Variants in MYH1 observed in about 807,000 individuals in gnomAD.
The protein encoded by MYH1 is myosin heavy chain 1.
In MYH1, 214 loss-of-function variants were observed where a neutral mutation model predicts 225.6. The observed-to-expected ratio is 0.95, with a 90% CI of 0.85 to 1.06. The LOEUF (loss-of-function observed/expected upper bound fraction) is 1.06, where lower values mean the gene tolerates loss of function less well. Among genes scored for constraint, MYH1 ranks in the 50% least tolerant of loss-of-function variants. The probability of loss-of-function intolerance (pLI) is 0.00; values close to 1 mark genes in which losing one functional copy is unlikely to be tolerated. For missense variants in MYH1, 2,098 were observed against 2,344.2 expected, an observed-to-expected ratio of 0.89 and a Z score of 2.17; for synonymous variants, 774 against 842.3, an observed-to-expected ratio of 0.92 and a Z score of 1.40.
chr17:10,510,493 A>G (rs926726144), intron 14 of MYH1, among the ~76,000 whole-genome samples: 1 of 152,168 alleles, frequency 6.6e-6, no homozygotes, highest in Non-Finnish European at 1.5e-5. Flanking sequence ...AGGAACCCCA[A>G]CATTTTGATG....
chr17:10,513,706 A>T lies in MYH1; in HGVS notation c.742-17T>A. 6.2e-7 allele frequency: 1 copy of T among 1,613,762 alleles called. No homozygotes were observed. The highest frequency in any genetic ancestry group is 8.5e-7 in the Non-Finnish European group (1 of 1,179,636). On this transcript the variant is annotated splice_polypyrimidine_tract_variant and intron_variant, in intron 8 of 39. Transcript: ENST00000226207. Reference sequence around the variant, plus strand: ...GAATTTACCCTTGTAAGTAAAAAAAATGATGTTATACCCAAAGCTTGAAGT... The same window carrying T: ...GAATTTACCCTTGTAAGTAAAAAAATTGATGTTATACCCAAAGCTTGAAGT...
At chr17:10,517,184 G>A (rs2073237786) in intron 2 of MYH1, among the ~76,000 whole-genome samples, 1 of 152,122 alleles carries the variant, frequency 6.6e-6, no homozygotes, top group African/African-American at 2.4e-5. Flanking sequence ...AAGAACAATA[G>A]GAATATGTTG....
intron 35 of MYH1, among the ~76,000 whole-genome samples, chr17:10,495,748 G>T: frequency 1.4e-4 from 1 of 7,032 alleles, no homozygotes; most frequent in African/African-American, 1.9e-4. Flanking sequence ...GCGACAGAGC[G>T]AGACTCCGTC....
Position 10,501,270 on chromosome 17 carries a change from G to GC in MYH1, c.3577dup (p.Ala1193GlyfsTer11), listed in dbSNP as rs2073053265. The GC allele has an allele frequency of 1.5e-5, 24 of 1,614,178 alleles. No individual in the cohort carries two copies. Among genetic ancestry groups the GC allele is most frequent in the Non-Finnish European group, 1.9e-5 (23 of 1,180,032 alleles). On this transcript the variant is annotated frameshift_variant, in exon 27 of 40. Transcript: ENST00000226207. LOFTEE classifies it high-confidence loss of function. ...TGCATGCTTCTTCCTCAGGGTGGCC[G>GC]CCGTGGCTTCATGCTGTAGGGTGGC...
Position 10,497,329 on chromosome 17 carries a change from C to G in MYH1, c.4489G>C (p.Asp1497His). 6.2e-7 allele frequency: 1 copy of G among 1,611,872 alleles called. No homozygotes were observed. Among genetic ancestry groups the G allele is most frequent in the South Asian group, 1.1e-5 (1 of 90,050 alleles). Residue 1497 changes from aspartate (D) to histidine (H), a missense_variant, in exon 32 of 40, where the codon GAC becomes CAC. Coordinates refer to ENST00000226207, the MANE Select transcript of MYH1 (RefSeq NM_005963.4). ...KIKNAYEESL[D>H]QLETLKRENK... ...TCCCGTTTCAAGGTTTCAAGTTGGT[C>G]TAAAGATTCCTCATAAGCATTCTTA...
intron 6 of MYH1, among the ~76,000 whole-genome samples, chr17:10,514,446 C>T (rs1016899423): frequency 6.6e-6 from 1 of 152,200 alleles, no homozygotes; most frequent in Non-Finnish European, 1.5e-5. Flanking sequence ...CTCTATGAAA[C>T]GTGCATGTGT....
chr17:10,516,861 C>T (rs1349912145), intron 2 of MYH1, among the ~76,000 whole-genome samples, 179 bp from the exon 3 acceptor site: 1 of 152,202 alleles, frequency 6.6e-6, no homozygotes, highest in Admixed American at 6.5e-5. Context: ...CCAGTGCTGA[C>T]AGACACTTAA....
At chr17:10,514,968 C>T (rs186307401) in intron 5 of MYH1, 73 bp from the exon 6 acceptor site, 14 of 1,334,994 alleles carry the variant, frequency 1.0e-5, no homozygotes, top group African/African-American at 7.2e-5. Flanking sequence ...TGAAACAGGG[C>T]ATTTGAGTAT....
At chr17:10,494,703 T>TC in intron 37 of MYH1, 30 bp from the exon 38 acceptor site, 13 of 1,610,670 alleles carry the variant, frequency 8.1e-6, no homozygotes, top group Non-Finnish European at 1.1e-5. Context: ...TTAAGGACAT[T>TC]CATTTGACGA....
chr17:10,509,544 C>T lies in MYH1; in HGVS notation c.1528G>A (p.Glu510Lys). 6.2e-7 allele frequency: 1 copy of T among 1,614,206 alleles called. No homozygotes were observed. The highest frequency in any genetic ancestry group is 8.5e-7 in the Non-Finnish European group (1 of 1,180,042). Residue 510 changes from glutamate (E) to lysine (K), a missense_variant, in exon 15 of 40, where the codon GAG becomes AAG. By Grantham distance (56) the Glu-to-Lys change is moderately conservative. Coordinates refer to ENST00000226207, the MANE Select transcript of MYH1 (RefSeq NM_005963.4). ...EQEEYKKEGI[E>K]WTFIDFGMDL... ...ATCCCAAAGTCAATGAACGTCCACTCAATGCCTTCCTTCTTGTACTCCTCC... is the reference window on the plus strand; with the variant it reads ...ATCCCAAAGTCAATGAACGTCCACTTAATGCCTTCCTTCTTGTACTCCTCC...
Position 10,508,365 on chromosome 17 carries a change from G to C in MYH1, c.1895C>G (p.Ala632Gly). ...LLFVGATGAE[A>G]EAGGGKKGGK... is the part of the protein sequence containing the mutation. ...AGATTAATTATATTGATAATTACCT[G>C]CTTCCGCTCCCGTTGCCCCAACAAA... Residue 632 changes from alanine (A) to glycine (G), a missense_variant and splice_region_variant, in exon 16 of 40, where the codon GCA becomes GGA. Transcript: ENST00000226207. The C allele has an allele frequency of 6.3e-7, 1 of 1,595,646 alleles. No homozygotes were observed.
Position 10,496,412 on chromosome 17 carries a change from C to T in MYH1, c.4794G>A (p.Val1598=), listed in dbSNP as rs1389094588. 5 of 1,614,052 alleles carry T rather than the reference C, an allele frequency of 3.1e-6. No homozygotes were observed. ...DQMKRNHIRI[V]ESMQSTLDAE... ...CATCCAGTGTGCTCTGCATGGACTC[C>T]ACGATTCTAATGTGGTTTCTCTTCA... The change falls in exon 34 of 40, where the codon GTG becomes GTA. Residue 1598 remains valine (V), a synonymous_variant. Transcript: ENST00000226207.
intron 2 of MYH1, among the ~76,000 whole-genome samples, chr17:10,517,572 A>G (rs1362483307): frequency 6.6e-6 from 1 of 152,228 alleles, no homozygotes; most frequent in Non-Finnish European, 1.5e-5. Flanking sequence ...ATAATAATAA[A>G]GATACCTTTT....
At chr17:10,507,757 A>G in intron 17 of MYH1, 129 bp downstream of exon 17, 1 of 770,700 alleles carries the variant, frequency 1.3e-6, no homozygotes, top group Middle Eastern at 2.4e-4. Flanking sequence ...CAGTCTTACC[A>G]CTACCAGCTG....
intron 14 of MYH1, among the ~76,000 whole-genome samples, chr17:10,510,528 C>T (rs939394712): frequency 2.6e-5 from 4 of 152,122 alleles, no homozygotes; most frequent in Admixed American, 6.5e-5. Context: ...TGTAACTACT[C>T]CTAGAACTTG....
At position 10,496,123 on chromosome 17, in the gene MYH1, G is replaced by C. The variant is rs773071362; in HGVS notation, c.4996C>G (p.Arg1666Gly). The change falls in exon 35 of 40, where the codon CGG becomes GGG. Residue 1666 changes from arginine (R) to glycine (G), a missense_variant. Coordinates refer to ENST00000226207, the MANE Select transcript of MYH1 (RefSeq NM_005963.4). Reference protein sequence around the residue: ...DTQLHLDDALRSQEDLKEQLA... With the variant: ...DTQLHLDDALGSQEDLKEQLA... ...TGTTCCTTCAGGTCCTCCTGGCTCCGGAGAGCATCATCCAGGTGGAGCTGG... is the reference window on the plus strand; with the variant it reads ...TGTTCCTTCAGGTCCTCCTGGCTCCCGAGAGCATCATCCAGGTGGAGCTGG... 2 of 1,614,130 alleles carry C rather than the reference G, an allele frequency of 1.2e-6. No individual in the cohort carries two copies. Among genetic ancestry groups the C allele is most frequent in the South Asian group, 2.2e-5 (2 of 91,080 alleles).
intron 24 of MYH1, among the ~76,000 whole-genome samples, chr17:10,502,405 C>T (rs1838755731): frequency 6.6e-6 from 1 of 152,224 alleles, no homozygotes; most frequent in Admixed American, 6.5e-5. Context: ...AGAACACCCT[C>T]CCTCTTCTTT....
In MYH1 at chr17:10,494,379, G is replaced by C; in HGVS notation, c.5642C>G (p.Ser1881Cys). 1.2e-6 allele frequency: 2 copies of C among 1,614,148 alleles called. No homozygotes were observed. Among genetic ancestry groups the C allele is most frequent in the Non-Finnish European group, 1.7e-6 (2 of 1,180,036 alleles). The change falls in exon 39 of 40, where the codon TCC becomes TGC. Residue 1881 changes from serine (S) to cysteine (C), a missense_variant. Physicochemically the swap from Ser to Cys is moderately radical, Grantham distance 112. Coordinates refer to ENST00000226207, the MANE Select transcript of MYH1 (RefSeq NM_005963.4). ...LVDKLQAKVK[S>C]YKRQAEEAEE... is the part of the protein sequence containing the mutation. The stretch of plus-strand genomic sequence containing the variant: ...CGCTTCTTCAGCTTGTCTCTTGTAG[G>C]ATTTCACCTTTGCTTGCAGTTTGTC...
rs773084761 is a variant in MYH1 at position 10,513,665 on chromosome 17, C to T, written c.766G>A (p.Gly256Ser). The T allele has an allele frequency of 2.2e-5, 35 of 1,613,876 alleles. No individual in the cohort carries two copies. The highest frequency in any genetic ancestry group is 4.5e-5 in the East Asian group (2 of 44,884). ...GCAGAAGCCAGTTTCCCTGTGGTAC[C>T]GAAGTGGATCCTGATGAATTTACCC... The part of the protein sequence containing the change: ...RFGKFIRIHF[G>S]TTGKLASADI... The change falls in exon 9 of 40, where the codon GGT becomes AGT. Residue 256 changes from glycine to serine, a missense_variant. Gly to Ser is a moderately conservative substitution (Grantham distance 56, BLOSUM62 0). Transcript: ENST00000226207.
Sources: allele counts gnomAD v4.1 joint callset (sites outside exome capture counted in the v4.1 genomes callset), GRCh38; gene constraint gnomAD v4.1.1; transcripts MANE v1.5; gene names NCBI Gene and HGNC (gene_info 2026-07-23, HGNC 2026-07-21).